RGS6: variants seen among roughly 807,000 people sequenced by gnomAD.
The protein encoded by RGS6 is regulator of G protein signaling 6, also known as regulator of G-protein signaling 6.
RGS6 carries 30 observed loss-of-function variants against 78.5 expected under a neutral mutation model. That is an observed-to-expected ratio of 0.38 (90% CI 0.29 to 0.52). The LOEUF (loss-of-function observed/expected upper bound fraction) is 0.52, where lower values mean the gene tolerates loss of function less well. Among genes scored for constraint, RGS6 ranks in the 20% least tolerant of loss-of-function variants. The pLI, the probability that RGS6 is intolerant of heterozygous loss-of-function variation, is 0.85. For missense variants in RGS6, 495 were observed against 609.7 expected, an observed-to-expected ratio of 0.81 and a Z score of 1.98; for synonymous variants, 206 against 206.0, an observed-to-expected ratio of 1.00 and a Z score of 0.00.
At chr14:72,424,136 G>A (rs1047898411) in intron 3 of RGS6, among the ~76,000 whole-genome samples, 1 of 152,282 alleles carries the variant, frequency 6.6e-6, no homozygotes, top group East Asian at 1.9e-4. Context: ...GCTATTCCTG[G>A]TAGGGCCTGG....
intron 2 of RGS6, among the ~76,000 whole-genome samples, chr14:72,332,315 A>G (rs2152574115): frequency 6.6e-6 from 1 of 152,342 alleles, no homozygotes; most frequent in East Asian, 1.9e-4. Context: ...GCCAGGCGGT[A>G]GGTTTGCCTG....
intron 9 of RGS6, among the ~76,000 whole-genome samples, chr14:72,473,439 A>G (rs1012432789): frequency 6.6e-6 from 1 of 152,152 alleles, no homozygotes; most frequent in Non-Finnish European, 1.5e-5. Flanking sequence ...GCGAGACTCC[A>G]TCTCTGGGGA....
At chr14:72,384,156 T>A (rs970494065) in intron 3 of RGS6, among the ~76,000 whole-genome samples, 1 of 152,098 alleles carries the variant, frequency 6.6e-6, no homozygotes, top group Non-Finnish European at 1.5e-5. Flanking sequence ...ATGGTACTTT[T>A]AAAAAAATAA....
At chr14:72,504,525 C>T (rs75361444) in intron 13 of RGS6, among the ~76,000 whole-genome samples, 2,063 of 152,282 alleles carry the variant, frequency 0.014, 41 homozygotes, top group African/African-American at 0.047. Flanking sequence ...TGATATATGT[C>T]TCATTTATGT....
At chr14:72,181,392 A>C (rs1046805152) in intron 2 of RGS6, among the ~76,000 whole-genome samples, 1 of 152,230 alleles carries the variant, frequency 6.6e-6, no homozygotes, top group Non-Finnish European at 1.5e-5. Flanking sequence ...TCCTGATCAT[A>C]AGGTGCTGAG....
chr14:72,156,762 C>T (rs1008217650), intron 2 of RGS6, among the ~76,000 whole-genome samples: 1 of 152,192 alleles, frequency 6.6e-6, no homozygotes, highest in Non-Finnish European at 1.5e-5. Flanking sequence ...TGTCCACAAG[C>T]TGTGGTTAAA....
At chr14:72,579,790 C>T in the RGS6 span, among the ~76,000 whole-genome samples, 9 of 152,202 alleles carry the variant, frequency 5.9e-5, no homozygotes, top group Admixed American at 2.0e-4. Context: ...GTAAACATGG[C>T]AGCATATAAT....
At chr14:72,158,753 C>T (rs868413393) in intron 2 of RGS6, among the ~76,000 whole-genome samples, 2 of 152,170 alleles carry the variant, frequency 1.3e-5, no homozygotes, top group East Asian at 1.9e-4. Flanking sequence ...TACCAAACTA[C>T]GTAAAAGTAC....
At chr14:72,375,217 A>G (rs1385111685) in intron 3 of RGS6, among the ~76,000 whole-genome samples, 1 of 152,232 alleles carries the variant, frequency 6.6e-6, no homozygotes, top group Non-Finnish European at 1.5e-5. Context: ...ATTTCCTTCC[A>G]AATTTAAAGA....
At chr14:72,012,327 T>C (rs2085941489) in intron 2 of RGS6, among the ~76,000 whole-genome samples, 1 of 152,210 alleles carries the variant, frequency 6.6e-6, no homozygotes, top group African/African-American at 2.4e-5. Flanking sequence ...ATAGACATGA[T>C]TTTCTTCTAA....
intron 2 of RGS6, among the ~76,000 whole-genome samples, chr14:72,174,377 T>C (rs1044934724): frequency 6.6e-6 from 1 of 152,142 alleles, no homozygotes; most frequent in African/African-American, 2.4e-5. Context: ...GGATTACAGT[T>C]ATGAGCCACT....
the RGS6 span, among the ~76,000 whole-genome samples, chr14:72,600,790 C>T: frequency 2.6e-5 from 4 of 152,260 alleles, no homozygotes; most frequent in South Asian, 4.1e-4. Context: ...CCAGGCCAAG[C>T]GGCCACCAGC....
the RGS6 span, among the ~76,000 whole-genome samples, chr14:71,886,906 C>T: frequency 2.0e-5 from 3 of 152,190 alleles, no homozygotes; most frequent in Non-Finnish European, 2.9e-5. Context: ...AATCCCAGTA[C>T]TTTGGGAGGC....
intron 12 of RGS6, among the ~76,000 whole-genome samples, chr14:72,494,149 T>C (rs2096613728): frequency 6.6e-6 from 1 of 152,178 alleles, no homozygotes; most frequent in South Asian, 2.1e-4. Context: ...GTGTTTAAGG[T>C]ATAAAAAAAT....
At chr14:72,195,792 C>T (rs779661030) in intron 2 of RGS6, among the ~76,000 whole-genome samples, 15 of 152,202 alleles carry the variant, frequency 9.9e-5, no homozygotes, top group Admixed American at 2.0e-4. Context: ...TGTGTGCCCA[C>T]GGAAACACCA....
intron 2 of RGS6, among the ~76,000 whole-genome samples, chr14:72,327,866 A>G (rs1224553074): frequency 3.9e-5 from 6 of 152,220 alleles, no homozygotes; most frequent in African/African-American, 1.4e-4. Context: ...TTCTCCAGAG[A>G]AACAGAATAG....
In RGS6 at chr14:72,518,261, G is replaced by T. The variant is rs1277083002; in HGVS notation, c.1092-90G>T. 3.9e-6 allele frequency: 5 copies of T among 1,276,362 alleles called. No homozygotes were observed. The East Asian group carries it at 7.0e-5, about 18-fold the overall frequency. 79.1% of individuals were successfully genotyped at this position (1,276,362 alleles called of 1,614,324 possible). On this transcript the variant is annotated intron_variant, in intron 14 of 17. Transcript: ENST00000553525. ...CAGGCTGAGAGATGCAGCAGAATGG[G>T]TTTCATGGGACATCAGCTCTGGGGC...
intron 2 of RGS6, among the ~76,000 whole-genome samples, chr14:72,146,847 A>G (rs1598366782): frequency 6.6e-6 from 1 of 152,340 alleles, no homozygotes. Flanking sequence ...TAAGTGGCTG[A>G]AAGAAGCCAT....
chr14:72,211,242 A>G (rs1430995590), intron 2 of RGS6, among the ~76,000 whole-genome samples: 2 of 152,228 alleles, frequency 1.3e-5, no homozygotes, highest in African/African-American at 4.8e-5. Context: ...GAAGCCAAGG[A>G]AAGTGTTTTA....
Sources: gnomAD v4.1 joint callset for allele counts (sites outside exome capture counted in the v4.1 genomes callset) on GRCh38, gnomAD v4.1.1 for gene constraint, MANE v1.5 for transcripts, NCBI Gene and HGNC (gene_info 2026-07-23, HGNC 2026-07-21) for gene names.